ACADL: variants seen among roughly 807,000 people sequenced by gnomAD.
The protein encoded by ACADL is acyl-CoA dehydrogenase long chain.
A neutral mutation model predicts 56.9 loss-of-function variants in ACADL; 60 were observed. The observed-to-expected ratio is 1.05, with a 90% confidence interval of 0.86 to 1.31. The LOEUF is 1.31. Among genes scored for constraint, ACADL ranks in the 50% most tolerant of loss-of-function variants. The pLI, the probability that ACADL is intolerant of heterozygous loss-of-function variation, is 0.00. For missense variants in ACADL, 484 were observed against 525.5 expected, an observed-to-expected ratio of 0.92 and a Z score of 0.77; for synonymous variants, 158 against 179.7, an observed-to-expected ratio of 0.88 and a Z score of 0.97.
intron 2 of ACADL, 123 bp from the exon 3 acceptor site, chr2:210,218,225 T>G (rs530012519): frequency 1.1e-6 from 1 of 936,996 alleles, no homozygotes; most frequent in East Asian, 2.7e-5. Flanking sequence ...TTATTTACAT[T>G]AGCCATATGC....
intron 4 of ACADL, among the ~76,000 whole-genome samples, chr2:210,215,505 G>A (rs1309103975): frequency 6.6e-6 from 1 of 151,832 alleles, no homozygotes; most frequent in Non-Finnish European, 1.5e-5. Context: ...ATCTTCTTTT[G>A]TACAGTTCCA....
At chr2:210,211,854 G>A (rs536388510) in intron 4 of ACADL, among the ~76,000 whole-genome samples, 2 of 146,532 alleles carry the variant, frequency 1.4e-5, no homozygotes, top group South Asian at 2.1e-4. Context: ...TTTTGAGACC[G>A]AGTTTTTCTC....
rs2125709325 is a variant in ACADL at position 210,195,303 on chromosome 2, A to T, written c.1020T>A (p.His340Gln). The change falls in exon 9 of 11, where the codon CAT (histidine) becomes CAA (glutamine). Residue 340 changes from histidine to glutamine, a missense_variant. By Grantham distance (24) the His-to-Gln change is conservative. Coordinates refer to ENST00000233710, the MANE Select transcript of ACADL (RefSeq NM_001608.4). Reference sequence around the variant, plus strand: ...CCACAAATGCTCGGGTTACACATATATGTGTTTTTAATTCTGCTAATTTAT... The same window carrying T: ...CCACAAATGCTCGGGTTACACATATTTGTGTTTTTAATTCTGCTAATTTAT... ...VQHKLAELKTHICVTRAFVDN... is the reference protein window; with the variant it reads ...VQHKLAELKTQICVTRAFVDN... The T allele has an allele frequency of 6.2e-7, 1 of 1,613,504 alleles. No individual in the cohort carries two copies. Among genetic ancestry groups the T allele is most frequent in the East Asian group, 2.2e-5 (1 of 44,862 alleles).
intron 8 of ACADL, among the ~76,000 whole-genome samples, chr2:210,199,840 G>T (rs1191177556): frequency 6.6e-6 from 1 of 152,038 alleles, no homozygotes; most frequent in Non-Finnish European, 1.5e-5. Flanking sequence ...TGCCTCCAGG[G>T]CTCAAGCGAT....
At chr2:210,211,962 C>G (rs1250121632) in intron 4 of ACADL, among the ~76,000 whole-genome samples, 1 of 151,864 alleles carries the variant, frequency 6.6e-6, no homozygotes, top group East Asian at 1.9e-4. Flanking sequence ...TCCCCAGTAT[C>G]TGGGATTACA....
rs537053261 is a variant in ACADL at position 210,202,115 on chromosome 2, G to C, written c.984+1216C>G. 7.2e-5 allele frequency among the ~76,000 whole-genome samples: 11 copies of C among 152,192 alleles called. No homozygotes were observed. The South Asian group carries it at 2.3e-3, about 32-fold the overall frequency. On this transcript the variant is annotated intron_variant, in intron 8 of 10. Coordinates refer to ENST00000233710, the MANE Select transcript of ACADL (RefSeq NM_001608.4). ...TTTATTTGTTTATTTTTGAGATGGA[G>C]TCTTGTTCTGTAGCCCAGGCTGGAT...
At chr2:210,209,373 A>G (rs56301246) in intron 5 of ACADL, among the ~76,000 whole-genome samples, 2,496 of 152,272 alleles carry the variant, frequency 0.016, 67 homozygotes, top group African/African-American at 0.057. Flanking sequence ...GTGATATCAA[A>G]TGCATTTGCC....
chr2:210,207,619 A>T (rs1203903041), intron 5 of ACADL, among the ~76,000 whole-genome samples: 1 of 152,154 alleles, frequency 6.6e-6, no homozygotes, highest in Non-Finnish European at 1.5e-5. Context: ...CAACACCTCA[A>T]ATTTACCAAA....
Position 210,220,719 on chromosome 2 carries a change from G to T in ACADL, c.161C>A (p.Ser54Tyr). The change falls in exon 2 of 11, where the codon TCT becomes TAT. Residue 54 changes from serine to tyrosine, a missense_variant. Ser to Tyr is a moderately radical substitution (Grantham distance 144, BLOSUM62 -2). Coordinates refer to ENST00000233710, the MANE Select transcript of ACADL (RefSeq NM_001608.4). ...LTDIGIRRIFSPEHDIFRKSV... is the reference protein window; with the variant it reads ...LTDIGIRRIFYPEHDIFRKSV... Reference sequence around the variant, plus strand: ...TTTCCGGAAAATGTCATGCTCTGGAGAAAAGATTCTTCGAATTCCTATATC... The same window carrying T: ...TTTCCGGAAAATGTCATGCTCTGGATAAAAGATTCTTCGAATTCCTATATC... 6.2e-7 allele frequency: 1 copy of T among 1,613,392 alleles called. No homozygotes were observed. The highest frequency in any genetic ancestry group is 8.5e-7 in the Non-Finnish European group (1 of 1,179,662).
At chr2:210,216,668 C>A in intron 3 of ACADL, 157 bp from the exon 4 acceptor site, 1 of 715,482 alleles carries the variant, frequency 1.4e-6, no homozygotes, top group Non-Finnish European at 2.3e-6. Context: ...TTTGTTTTTA[C>A]TAATTTTAAA....
chr2:210,203,640 T>G (rs1347245885), intron 7 of ACADL, among the ~76,000 whole-genome samples, 196 bp from the exon 8 acceptor site: 1 of 152,198 alleles, frequency 6.6e-6, no homozygotes, highest in East Asian at 1.9e-4. Context: ...AAGCAAATCC[T>G]TTATTTTTAT....
chr2:210,201,598 G>T (rs1274136590), intron 8 of ACADL, among the ~76,000 whole-genome samples: 1 of 152,088 alleles, frequency 6.6e-6, no homozygotes, highest in Non-Finnish European at 1.5e-5. Context: ...CTAGAATGCT[G>T]GTTCTGAAAA....
In ACADL at chr2:210,205,729, G is replaced by C. The variant is rs774633789; in HGVS notation, c.671C>G (p.Pro224Arg). The C allele has an allele frequency of 6.2e-7, 1 of 1,613,780 alleles. No individual in the cohort carries two copies. The change falls in exon 6 of 11, where the codon CCC (proline) becomes CGC (arginine). Residue 224 changes from proline to arginine, a missense_variant. Physicochemically the swap from Pro to Arg is moderately radical, Grantham distance 103. Transcript: ENST00000233710. Reference protein sequence around the residue: ...IVVAVTNHEAPSPAHGISLFL... With the variant: ...IVVAVTNHEARSPAHGISLFL... ...AAGGCTAATACCATGGGCAGGGGAG[G>C]GAGCTTCATGATTTGTGACCGCAAC...
chr2:210,201,786 G>A (rs1287348816), intron 8 of ACADL, among the ~76,000 whole-genome samples: 2 of 152,118 alleles, frequency 1.3e-5, no homozygotes, highest in Non-Finnish European at 2.9e-5. Flanking sequence ...AGAAACTATA[G>A]GGTCTAAAAT....
chr2:210,212,367 A>G (rs1402747094), intron 4 of ACADL, among the ~76,000 whole-genome samples: 6 of 152,166 alleles, frequency 3.9e-5, no homozygotes, highest in Non-Finnish European at 7.3e-5. Context: ...TAGACAGAAG[A>G]GAAGGCAATG....
intron 8 of ACADL, among the ~76,000 whole-genome samples, chr2:210,198,391 T>C (rs1230089913): frequency 6.6e-6 from 1 of 152,168 alleles, no homozygotes; most frequent in Non-Finnish European, 1.5e-5. Context: ...AACTGGATAT[T>C]CCCATTTTAG....
intron 8 of ACADL, among the ~76,000 whole-genome samples, chr2:210,200,705 CTT>C (rs745516002): frequency 3.3e-5 from 5 of 152,018 alleles, no homozygotes; most frequent in Non-Finnish European, 7.4e-5. Context: ...GATGTAAAGA[CTT>C]TTTTTCAGGA....
At chr2:210,198,754 AG>A (rs1331366942) in intron 8 of ACADL, among the ~76,000 whole-genome samples, 1 of 152,146 alleles carries the variant, frequency 6.6e-6, no homozygotes, top group Non-Finnish European at 1.5e-5. Context: ...AGATTTGTGA[AG>A]AAAAAGAATG....
intron 7 of ACADL, among the ~76,000 whole-genome samples, chr2:210,204,085 A>T (rs1015389455): frequency 2.6e-5 from 4 of 152,126 alleles, no homozygotes; most frequent in Non-Finnish European, 5.9e-5. Context: ...AGGCAGGAGT[A>T]CCCCCTTACA....
Sources: gnomAD v4.1 joint callset for allele counts (sites outside exome capture counted in the v4.1 genomes callset) on GRCh38, gnomAD v4.1.1 for gene constraint, MANE v1.5 for transcripts, NCBI Gene and HGNC (gene_info 2026-07-23, HGNC 2026-07-21) for gene names.